The following BCL2L1 variants were observed in gnomAD, a reference collection of about 807,000 sequenced individuals.
BCL2L1 encodes bcl-2-like protein 1.
Under a neutral mutation model 18.7 loss-of-function variants are expected in BCL2L1, and 1 was observed. The ratio of observed to expected loss-of-function variants is 0.05; its 90% CI spans 0.02 to 0.25. BCL2L1 has a LOEUF of 0.25. BCL2L1 is among the 10% of genes least tolerant of loss of function. The pLI is 1.00. For missense variants in BCL2L1, 207 were observed against 304.9 expected (o/e 0.68, Z 2.39); for synonymous variants, 103 against 122.7 (o/e 0.84, Z 1.06).
At chr20:31,710,199 T>C (rs2061432197) in intron 2 of BCL2L1, among the ~76,000 whole-genome samples, 1 of 152,214 alleles carries the variant, frequency 6.6e-6, no homozygotes, top group South Asian at 2.1e-4. Flanking sequence ...AAAGCCCGTG[T>C]ACTCCGAGAG....
chr20:31,685,587 T>C (rs529604913), intron 2 of BCL2L1, among the ~76,000 whole-genome samples: 2 of 152,292 alleles, frequency 1.3e-5, no homozygotes, highest in African/African-American at 2.4e-5. Flanking sequence ...TACTCCTGCT[T>C]TGTGGTGGCT....
rs951862340 is a variant in BCL2L1, at chr20:31,721,026, G to A, written c.564+629C>T. On this transcript the variant is annotated intron_variant, in intron 2 of 2. Coordinates refer to ENST00000307677, the MANE Select transcript of BCL2L1 (RefSeq NM_138578.3). Reference sequence around the variant, plus strand: ...GCACACTTTGGGGGAAATGAACTTAGGGGGCGCAGTGCAAACACAATCTGC... The same window carrying A: ...GCACACTTTGGGGGAAATGAACTTAAGGGGCGCAGTGCAAACACAATCTGC... 17 of 967,868 alleles carry A rather than the reference G, an allele frequency of 1.8e-5. No individual in the cohort carries two copies. In the Admixed American group the frequency reaches 1.8e-4, roughly 11 times the overall value. The allele number at this position is 967,868 out of a possible 1,614,324, so 60.0% of individuals were successfully genotyped here.
At chr20:31,722,403 C>T (rs1049541787) in intron 1 of BCL2L1, 55 bp from the exon 2 acceptor site, 2 of 452,658 alleles carry the variant, frequency 4.4e-6, no homozygotes, top group Non-Finnish European at 7.5e-6. Flanking sequence ...AAATTCCATT[C>T]CCCCTCCAGG....
intron 2 of BCL2L1, among the ~76,000 whole-genome samples, chr20:31,714,591 C>A (rs2061499744): frequency 1.3e-5 from 2 of 152,134 alleles, no homozygotes; most frequent in South Asian, 4.1e-4. Context: ...CCCTGTGAGG[C>A]AGGTATTATT....
intron 2 of BCL2L1, among the ~76,000 whole-genome samples, chr20:31,708,669 T>C (rs2061406941): frequency 6.6e-6 from 1 of 152,190 alleles, no homozygotes; most frequent in African/African-American, 2.4e-5. Flanking sequence ...CCTGCCTTCC[T>C]TAGGCCAGAA....
intron 2 of BCL2L1, among the ~76,000 whole-genome samples, chr20:31,719,462 C>G (rs2061589466): frequency 6.6e-6 from 1 of 152,050 alleles, no homozygotes; most frequent in Admixed American, 6.6e-5. Flanking sequence ...TACCTTCTAC[C>G]CAGGCTCAAA....
At chr20:31,721,598 T>G in intron 2 of BCL2L1, 57 bp downstream of exon 2, 6 of 1,516,318 alleles carry the variant, frequency 4.0e-6, no homozygotes, top group Non-Finnish European at 5.3e-6. Flanking sequence ...GAAGGGCTGT[T>G]GGGGATCTCT....
At chr20:31,716,352 T>C (rs1159949542) in intron 2 of BCL2L1, among the ~76,000 whole-genome samples, 1 of 152,150 alleles carries the variant, frequency 6.6e-6, no homozygotes, top group East Asian at 1.9e-4. Flanking sequence ...ATTTTCTTCA[T>C]AGCATGTACA....
rs143130867 is a variant in BCL2L1, at chr20:31,679,856, T to A, written c.565-13770A>T. ...GTATTTTTGCAGGCTAATTTTTGTATTTTTAGTGGAAATGGGGTTTCGCTA... is the reference window on the plus strand; with the variant it reads ...GTATTTTTGCAGGCTAATTTTTGTAATTTTAGTGGAAATGGGGTTTCGCTA... On this transcript the variant is annotated intron_variant, in intron 2 of 2. Transcript: ENST00000307677. Among the ~76,000 whole-genome samples the A allele has an allele frequency of 6.7e-3, 1,022 of 152,258 alleles. 16 individuals are homozygous for A. The highest frequency in any genetic ancestry group is 0.023 in the African/African-American group (969 of 41,554).
At chr20:31,723,506 G>C (rs918463771), upstream of BCL2L1, 2 of 985,266 alleles carry the variant, frequency 2.0e-6, no homozygotes, top group African/African-American at 3.5e-5. Context: ...CTGCGGCCTA[G>C]CGGCTTCTCG....
chr20:31,688,730 G>C (rs1345402073), intron 2 of BCL2L1, among the ~76,000 whole-genome samples: 2 of 152,234 alleles, frequency 1.3e-5, no homozygotes, highest in East Asian at 1.9e-4. Flanking sequence ...GCTATTCATT[G>C]AGTGTCACTA....
At position 31,721,867 on chromosome 20, in the gene BCL2L1, T is replaced by C. The variant is rs768464418; in HGVS notation, c.352A>G (p.Thr118Ala). 3 of 1,614,210 alleles carry C rather than the reference T, an allele frequency of 1.9e-6. No individual in the cohort carries two copies. The highest frequency in any genetic ancestry group is 1.6e-4 in the Middle Eastern group (1 of 6,062). Reference sequence around the variant, plus strand: ...ACCTGTTCAAAGCTCTGATATGCTGTCCCTGGGGTGATGTGGAGCTGGGAT... The same window carrying C: ...ACCTGTTCAAAGCTCTGATATGCTGCCCCTGGGGTGATGTGGAGCTGGGAT... ...LTSQLHITPG[T>A]AYQSFEQVVN... is the part of the protein sequence containing the mutation. Residue 118 changes from threonine (T) to alanine (A), a missense_variant, in exon 2 of 3, where the codon ACA becomes GCA. Thr to Ala is a moderately conservative substitution (Grantham distance 58). Coordinates refer to ENST00000307677, the MANE Select transcript of BCL2L1 (RefSeq NM_138578.3).
At chr20:31,713,367 G>T in intron 2 of BCL2L1, 2 of 985,382 alleles carry the variant, frequency 2.0e-6, no homozygotes, top group South Asian at 9.4e-5. Flanking sequence ...AAGAGGAAAG[G>T]CAGGGACACG....
intron 2 of BCL2L1, among the ~76,000 whole-genome samples, chr20:31,685,730 CCT>C (rs1491518552): frequency 6.6e-6 from 1 of 152,112 alleles, no homozygotes; most frequent in Non-Finnish European, 1.5e-5. Context: ...ATCTCCGGGC[CCT>C]TTTTTTTTCC....
rs1298820173 is a variant in BCL2L1, at chr20:31,703,695, TTGGC to T, written c.564+17956_564+17959del. 2.8e-4 allele frequency among the ~76,000 whole-genome samples: 43 copies of T among 152,066 alleles called. 1 individual carries two copies. Among genetic ancestry groups the T allele is most frequent in the African/African-American group, 1.0e-3 (43 of 41,460 alleles). On this transcript the variant is annotated intron_variant, in intron 2 of 2. Transcript: ENST00000307677. Reference sequence around the variant, plus strand: ...TCAGTAGAGATGGGGTTTCACTGTGTTGGCCAGGCTGGTCTGGAACTCCTGATCT... The same window carrying T: ...TCAGTAGAGATGGGGTTTCACTGTGTCAGGCTGGTCTGGAACTCCTGATCT...
At chr20:31,667,331 C>A (rs1275158788) in intron 2 of BCL2L1, among the ~76,000 whole-genome samples, 5 of 151,660 alleles carry the variant, frequency 3.3e-5, no homozygotes, top group Admixed American at 6.6e-5. Flanking sequence ...TGTGGTGGCA[C>A]GCACCTGTAA....
rs149899179 is a variant in BCL2L1 at position 31,715,128 on chromosome 20, C to T, written c.564+6527G>A. Among the ~76,000 whole-genome samples, 656 of 152,098 alleles carry T rather than the reference C, an allele frequency of 4.3e-3. 22 individuals carry two copies. The East Asian group carries it at 0.089, about 21-fold the overall frequency. On this transcript the variant is annotated intron_variant, in intron 2 of 2. Transcript: ENST00000307677. ...TCTACTAAAAATACCAAAAATTAGCCGGGTGTGGTGGCGGGCACCTGCAGT... is the reference window on the plus strand; with the variant it reads ...TCTACTAAAAATACCAAAAATTAGCTGGGTGTGGTGGCGGGCACCTGCAGT...
At chr20:31,723,774 C>T, upstream of BCL2L1, 4 of 985,442 alleles carry the variant, frequency 4.1e-6, no homozygotes, top group Non-Finnish European at 4.8e-6. Flanking sequence ...CATCCCCCTT[C>T]ATCGGCCCGG....
At chr20:31,692,143 G>C (rs535945015) in intron 2 of BCL2L1, among the ~76,000 whole-genome samples, 2 of 152,338 alleles carry the variant, frequency 1.3e-5, no homozygotes, top group African/African-American at 4.8e-5. Flanking sequence ...AAACACTTTG[G>C]GGGTGGAGCC....
Sources: allele counts gnomAD v4.1 joint callset (sites outside exome capture counted in the v4.1 genomes callset), GRCh38; gene constraint gnomAD v4.1.1; transcripts MANE v1.5; gene names NCBI Gene and HGNC (gene_info 2026-07-23, HGNC 2026-07-21).